ZPBP: variants seen among roughly 807,000 people sequenced by gnomAD.
The protein encoded by ZPBP is zona pellucida binding protein, also known as zona pellucida-binding protein 1.
In ZPBP, 26 loss-of-function variants were observed where a neutral mutation model predicts 44.8. The ratio of observed to expected loss-of-function variants is 0.58; its 90% confidence interval spans 0.43 to 0.81. The LOEUF is 0.81. Among genes scored for constraint, ZPBP ranks in the 30% least tolerant of loss-of-function variants. The pLI, the probability that ZPBP is intolerant of heterozygous loss-of-function variation, is 0.00. For missense variants in ZPBP, 409 were observed against 434.0 expected, an observed-to-expected ratio of 0.94 and a Z score of 0.51; for synonymous variants, 174 against 153.2, an observed-to-expected ratio of 1.14 and a Z score of -1.00.
At chr7:50,021,725 A>G (rs1584060054) in intron 5 of ZPBP, among the ~76,000 whole-genome samples, 1 of 152,174 alleles carries the variant, frequency 6.6e-6, no homozygotes, top group African/African-American at 2.4e-5. Flanking sequence ...GAAATTTTCA[A>G]AAATCAAAGA....
chr7:49,943,736 C>T (rs570422452), intron 7 of ZPBP: 13 of 246,244 alleles, frequency 5.3e-5, no homozygotes, highest in South Asian at 2.1e-4. Context: ...CTCAATGTGA[C>T]GGGAACGGGT....
In ZPBP at chr7:50,026,452, C is replaced by A. The variant is rs181384575; in HGVS notation, c.706+4640G>T. On this transcript the variant is annotated intron_variant, in intron 5 of 7. Coordinates refer to ENST00000046087, the MANE Select transcript of ZPBP (RefSeq NM_007009.3). Reference sequence around the variant, plus strand: ...TATACAATATACACAGGACCCTCCACCCAACAACAGGAGAATACACATACT... The same window carrying A: ...TATACAATATACACAGGACCCTCCAACCAACAACAGGAGAATACACATACT... Among the ~76,000 whole-genome samples, 14 of 151,882 alleles carry A rather than the reference C, an allele frequency of 9.2e-5. No homozygotes were observed. In the East Asian group the frequency reaches 2.7e-3, roughly 29 times the overall value.
At chr7:49,955,006 AT>A (rs1315148834) in intron 7 of ZPBP, among the ~76,000 whole-genome samples, 9 of 152,348 alleles carry the variant, frequency 5.9e-5, no homozygotes, top group Admixed American at 1.3e-4. Context: ...AAGATATTTA[AT>A]TGCAGATTAA....
the ZPBP span, among the ~76,000 whole-genome samples, chr7:49,844,485 T>C: frequency 0.18 from 26,641 of 152,150 alleles, 3,010 homozygotes; most frequent in African/African-American, 0.31. Flanking sequence ...ATATTTATAC[T>C]ATGTTACTCA....
chr7:49,975,934 A>C (rs1796494113), intron 7 of ZPBP, among the ~76,000 whole-genome samples: 1 of 152,166 alleles, frequency 6.6e-6, no homozygotes, highest in Non-Finnish European at 1.5e-5. Context: ...CTTTTGGATA[A>C]ATAAAGTGGA....
intron 7 of ZPBP, among the ~76,000 whole-genome samples, chr7:49,941,908 C>T (rs1030332946): frequency 1.3e-4 from 20 of 152,140 alleles, no homozygotes; most frequent in African/African-American, 4.6e-4. Context: ...GCCAAAAAGA[C>T]AGACATACAG....
At chr7:50,085,492 A>G (rs1374102532) in intron 2 of ZPBP, among the ~76,000 whole-genome samples, 1 of 152,060 alleles carries the variant, frequency 6.6e-6, no homozygotes, top group Admixed American at 6.6e-5. Context: ...ACAGTTTACA[A>G]TCACAGTGAG....
At chr7:50,033,644 G>C (rs960926524) in intron 4 of ZPBP, among the ~76,000 whole-genome samples, 6 of 151,758 alleles carry the variant, frequency 4.0e-5, no homozygotes, top group Admixed American at 1.3e-4. Flanking sequence ...CTTTAAAAGA[G>C]TCTATAATAA....
chr7:49,869,813 T>C (rs1791062117), intron 2 of ZPBP, among the ~76,000 whole-genome samples: 1 of 151,862 alleles, frequency 6.6e-6, no homozygotes, highest in Non-Finnish European at 1.5e-5. Context: ...AAAATGTACA[T>C]ATATGTTTTT....
chr7:50,009,487 A>C (rs1798473843), intron 6 of ZPBP, among the ~76,000 whole-genome samples: 1 of 151,782 alleles, frequency 6.6e-6, no homozygotes, highest in Non-Finnish European at 1.5e-5. Flanking sequence ...GCTTGGTTGC[A>C]CTTACTCTCT....
intron 1 of ZPBP, among the ~76,000 whole-genome samples, chr7:49,922,137 CTTAT>C (rs1275232903): frequency 3.3e-5 from 5 of 152,136 alleles, no homozygotes; most frequent in African/African-American, 1.2e-4. Flanking sequence ...TTTTATTTCT[CTTAT>C]TTAATGAAAG....
chr7:49,894,325 T>G (rs892510968), intron 2 of ZPBP, among the ~76,000 whole-genome samples: 1 of 152,150 alleles, frequency 6.6e-6, no homozygotes, highest in African/African-American at 2.4e-5. Flanking sequence ...CCGGCTAATT[T>G]TTGTATTTTT....
At chr7:49,936,549 G>A (rs555721318), downstream of ZPBP, among the ~76,000 whole-genome samples, 31 of 152,292 alleles carry the variant, frequency 2.0e-4, no homozygotes, top group African/African-American at 6.7e-4. Flanking sequence ...ATTTACAAAC[G>A]TTTATGTCTT....
chr7:49,891,341 A>C (rs1010180977), intron 2 of ZPBP, among the ~76,000 whole-genome samples: 3 of 152,236 alleles, frequency 2.0e-5, no homozygotes, highest in African/African-American at 4.8e-5. Context: ...AGTAAAGCAA[A>C]ATTGGAAAGA....
chr7:50,008,324 T>A (rs904800726), intron 6 of ZPBP, among the ~76,000 whole-genome samples: 1 of 152,066 alleles, frequency 6.6e-6, no homozygotes, highest in Non-Finnish European at 1.5e-5. Context: ...TAACCAAGGA[T>A]ATGAAAAACT....
At chr7:49,991,837 C>CA (rs1797588438) in intron 6 of ZPBP, among the ~76,000 whole-genome samples, 2 of 151,078 alleles carry the variant, frequency 1.3e-5, no homozygotes, top group Admixed American at 1.3e-4. Context: ...AACCTCCCGT[C>CA]AAAAATCACC....
chr7:50,038,449 G>C (rs6583417), intron 4 of ZPBP, among the ~76,000 whole-genome samples: 148,558 of 152,324 alleles, frequency 0.98, 72,467 homozygotes, highest in East Asian at 1. Flanking sequence ...AGAACTAATA[G>C]TTCAAGAAAC....
At chr7:50,005,949 A>C (rs1406337214) in intron 6 of ZPBP, among the ~76,000 whole-genome samples, 1 of 151,612 alleles carries the variant, frequency 6.6e-6, no homozygotes, top group Non-Finnish European at 1.5e-5. Context: ...ATACAGGTTG[A>C]AGTGAGAGGA....
chr7:50,052,237 C>CA (rs1439243589), intron 4 of ZPBP, among the ~76,000 whole-genome samples: 4 of 151,738 alleles, frequency 2.6e-5, no homozygotes, highest in Admixed American at 1.3e-4. Flanking sequence ...TATTAAATAT[C>CA]AAAAAACCCA....
Sources: gnomAD v4.1 joint callset for allele counts (sites outside exome capture counted in the v4.1 genomes callset) on GRCh38, gnomAD v4.1.1 for gene constraint, MANE v1.5 for transcripts, NCBI Gene and HGNC (gene_info 2026-07-23, HGNC 2026-07-21) for gene names.